Variants in SLC48A1 observed in about 807,000 individuals in gnomAD.
SLC48A1 encodes solute carrier family 48 member 1, also known as heme transporter HRG1.
SLC48A1 carries 6 observed loss-of-function variants against 14.8 expected under a neutral mutation model. The observed-to-expected ratio is 0.41, with a 90% CI of 0.22 to 0.80. The LOEUF (loss-of-function observed/expected upper bound fraction) is 0.80. Among genes scored for constraint, SLC48A1 ranks in the 30% least tolerant of loss-of-function variants. The pLI is 0.34. For missense variants in SLC48A1, 165 were observed against 204.8 expected (o/e 0.81, Z 1.19); for synonymous variants, 89 against 90.0 (o/e 0.99, Z 0.06).
At chr12:47,761,615 A>G (rs1942383107) in intron 2 of SLC48A1, among the ~76,000 whole-genome samples, 1 of 152,208 alleles carries the variant, frequency 6.6e-6, no homozygotes, top group Non-Finnish European at 1.5e-5. Flanking sequence ...ATCAAGGCTG[A>G]GGCCTAGAAG....
In SLC48A1 at chr12:47,782,309, G is replaced by A. The variant is rs992082392; in HGVS notation, c.*2028G>A. 1 of 152,230 alleles carries A rather than the reference G, an allele frequency of 6.6e-6. No homozygotes were observed. The highest frequency in any genetic ancestry group is 1.5e-5 in the Non-Finnish European group (1 of 68,060). 9.4% of individuals were successfully genotyped at this position (152,230 alleles called of 1,614,324 possible). Reference sequence around the variant, plus strand: ...CTGGAGCCTTCTACTGATAAACAGAGGCCCCAGAAGACGATTTGACTTACC... The same window carrying A: ...CTGGAGCCTTCTACTGATAAACAGAAGCCCCAGAAGACGATTTGACTTACC... On this transcript the variant is annotated 3_prime_UTR_variant, in exon 3 of 3. Coordinates refer to ENST00000442218, the MANE Select transcript of SLC48A1 (RefSeq NM_017842.3).
At chr12:47,771,140 T>TTA (rs1315185679), upstream of SLC48A1, 2 of 295,064 alleles carry the variant, frequency 6.8e-6, no homozygotes, top group Admixed American at 4.4e-5. Flanking sequence ...GGTTTATTTT[T>TTA]TTATTTTTAA....
upstream of SLC48A1, chr12:47,757,810 G>A (rs1007805835): frequency 4.1e-6 from 6 of 1,471,058 alleles, no homozygotes; most frequent in Admixed American, 2.0e-5. Context: ...CATGATCTAG[G>A]CCCCCCTCTA....
At chr12:47,779,267 G>C (rs1942814728) in intron 2 of SLC48A1, 72 bp downstream of exon 2, 1 of 1,478,400 alleles carries the variant, frequency 6.8e-7, no homozygotes, top group African/African-American at 1.4e-5. Flanking sequence ...TTCCCATCCT[G>C]GTTCCACAGG....
chr12:47,764,636 G>C (rs2136847916), intron 2 of SLC48A1, among the ~76,000 whole-genome samples: 1 of 152,276 alleles, frequency 6.6e-6, no homozygotes, highest in South Asian at 2.1e-4. Context: ...AAGCAGGCTA[G>C]GGCTAAGGTC....
At chr12:47,763,898 T>A (rs1267403164) in intron 2 of SLC48A1, among the ~76,000 whole-genome samples, 1 of 152,154 alleles carries the variant, frequency 6.6e-6, no homozygotes, top group Non-Finnish European at 1.5e-5. Context: ...CTCTGGCTGG[T>A]GCTCAAGCTA....
At position 47,780,307 on chromosome 12, in the gene SLC48A1, T is replaced by G; in HGVS notation, c.*26T>G. ...CCCAGGGGGTGAGGTCTCTGCACCCTGGGGGGGCCTTAGGACCTGGACTCA... is the reference window on the plus strand; with the variant it reads ...CCCAGGGGGTGAGGTCTCTGCACCCGGGGGGGGCCTTAGGACCTGGACTCA... On this transcript the variant is annotated 3_prime_UTR_variant, in exon 3 of 3. Transcript: ENST00000442218. 6.2e-7 allele frequency: 1 copy of G among 1,613,908 alleles called. No homozygotes were observed. Among genetic ancestry groups the G allele is most frequent in the Non-Finnish European group, 8.5e-7 (1 of 1,179,866 alleles).
At chr12:47,758,472 C>T (rs1942236739), upstream of SLC48A1, 4 of 1,590,428 alleles carry the variant, frequency 2.5e-6, no homozygotes, top group South Asian at 2.2e-5. Flanking sequence ...CCTCCCTCTC[C>T]CACCCAAACT....
At chr12:47,758,981 C>A (rs1017692751) in intron 1 of SLC48A1, 56 of 999,530 alleles carry the variant, frequency 5.6e-5, no homozygotes, top group East Asian at 1.1e-4. Flanking sequence ...CCCTGCCTTA[C>A]GGTAGAGGAA....
At chr12:47,772,256 C>G (rs928801906), upstream of SLC48A1, 3 of 154,776 alleles carry the variant, frequency 1.9e-5, no homozygotes, top group African/African-American at 7.2e-5. Flanking sequence ...AGCTCCCGGC[C>G]GGAAGCTGGG....
At chr12:47,774,765 C>T (rs1202315842) in intron 1 of SLC48A1, among the ~76,000 whole-genome samples, 5 of 152,086 alleles carry the variant, frequency 3.3e-5, no homozygotes, top group Non-Finnish European at 7.4e-5. Context: ...GTGTTCTCTG[C>T]CTGCCCAGCT....
At chr12:47,768,273 G>A (rs140043916), upstream of SLC48A1, among the ~76,000 whole-genome samples, 1,090 of 152,212 alleles carry the variant, frequency 7.2e-3, 13 homozygotes, top group Non-Finnish European at 9.0e-3. Context: ...CACTGCACCC[G>A]GCCATGGCTA....
At chr12:47,764,342 C>G (rs1266765581) in intron 2 of SLC48A1, among the ~76,000 whole-genome samples, 1 of 152,210 alleles carries the variant, frequency 6.6e-6, no homozygotes, top group Non-Finnish European at 1.5e-5. Flanking sequence ...TCCCACCACT[C>G]CCCTCTTTGC....
chr12:47,758,218 TG>T (rs1184786856), upstream of SLC48A1: 5 of 1,437,462 alleles, frequency 3.5e-6, no homozygotes, highest in East Asian at 7.5e-5. Flanking sequence ...TGCCAGGAGC[TG>T]GGGGGAGGAA....
intron 1 of SLC48A1, among the ~76,000 whole-genome samples, chr12:47,774,269 A>G (rs1942693008): frequency 6.6e-6 from 1 of 152,248 alleles, no homozygotes; most frequent in Non-Finnish European, 1.5e-5. Flanking sequence ...AAGATGAAAA[A>G]TATTATCTCT....
intron 2 of SLC48A1, among the ~76,000 whole-genome samples, chr12:47,764,118 C>T (rs1275532480): frequency 6.6e-6 from 1 of 152,122 alleles, no homozygotes; most frequent in Non-Finnish European, 1.5e-5. Context: ...CTTTCTCCCC[C>T]AACTTCTGCT....
chr12:47,756,430 G>C (rs1335775915), upstream of SLC48A1: 1 of 152,308 alleles, frequency 6.6e-6, no homozygotes. Context: ...GGAGAGCGGA[G>C]AGCCGGAGAG....
chr12:47,760,090 T>C (rs926340866), intron 1 of SLC48A1: 2 of 444,332 alleles, frequency 4.5e-6, no homozygotes, highest in South Asian at 9.5e-5. Context: ...AATCCCATTT[T>C]TAATGTATAC....
chr12:47,763,862 C>A (rs1261861467), intron 2 of SLC48A1, among the ~76,000 whole-genome samples: 1 of 152,190 alleles, frequency 6.6e-6, no homozygotes, highest in African/African-American at 2.4e-5. Flanking sequence ...AAAGCAGGAA[C>A]CCCACACTCT....
Sources: gnomAD v4.1 joint callset for allele counts (sites outside exome capture counted in the v4.1 genomes callset) on GRCh38, gnomAD v4.1.1 for gene constraint, MANE v1.5 for transcripts, NCBI Gene and HGNC (gene_info 2026-07-23, HGNC 2026-07-21) for gene names.